MRPS28: variants seen among roughly 807,000 people sequenced by gnomAD.
MRPS28 encodes mitochondrial ribosomal protein S28.
MRPS28 carries 7 observed loss-of-function variants against 10.8 expected under a neutral mutation model. The ratio of observed to expected loss-of-function variants is 0.65; its 90% CI spans 0.37 to 1.22. The LOEUF is 1.22. MRPS28 is among the 50% of genes most tolerant of loss of function. MRPS28 has a pLI of 0.02. For synonymous variants in MRPS28, 121 were observed against 93.3 expected, an observed-to-expected ratio of 1.30 and a Z score of -1.71; for missense variants, 265 against 232.9, an observed-to-expected ratio of 1.14 and a Z score of -0.90.
At chr8:79,958,188 G>T in intron 2 of MRPS28, 2 of 533,054 alleles carry the variant, frequency 3.8e-6, no homozygotes, top group Admixed American at 7.4e-5. Flanking sequence ...AGACTCTGGG[G>T]ATGACTAATC....
At chr8:80,023,365 A>G (rs377333371) in intron 1 of MRPS28, among the ~76,000 whole-genome samples, 4 of 152,294 alleles carry the variant, frequency 2.6e-5, no homozygotes, top group East Asian at 1.9e-4. Context: ...TAGTGGACTT[A>G]AAAATTATAC....
At chr8:79,919,931 A>C in intron 2 of MRPS28, among the ~76,000 whole-genome samples, 1 of 74,000 alleles carries the variant, frequency 1.4e-5, no homozygotes, top group African/African-American at 5.0e-5. Flanking sequence ...ATATCTCCTA[A>C]TGCTATCCCT....
intron 1 of MRPS28, among the ~76,000 whole-genome samples, chr8:80,019,555 C>T (rs1203304960): frequency 6.6e-6 from 1 of 151,878 alleles, no homozygotes; most frequent in Non-Finnish European, 1.5e-5. Context: ...TGAAACTTTT[C>T]CTACTAAGCA....
chr8:79,975,227 G>A (rs1417539430), intron 2 of MRPS28, among the ~76,000 whole-genome samples: 4 of 152,128 alleles, frequency 2.6e-5, no homozygotes, highest in Non-Finnish European at 5.9e-5. Context: ...AGCTTGGGAG[G>A]TTGAGGCTGC....
At position 80,017,189 on chromosome 8, in the gene MRPS28, G is replaced by A. The variant is rs146979126; in HGVS notation, c.213+12847C>T. Among the ~76,000 whole-genome samples, 54 of 152,102 alleles carry A rather than the reference G, an allele frequency of 3.6e-4. 1 individual carries two copies. Among genetic ancestry groups the A allele is most frequent in the African/African-American group, 1.3e-3 (53 of 41,490 alleles). ...AAATTCTTAGAGTAAACAAATACAC[G>A]TCTAAATAACATGAGTCAAACAAAT... On this transcript the variant is annotated intron_variant, in intron 1 of 2. Coordinates refer to ENST00000276585, the MANE Select transcript of MRPS28 (RefSeq NM_014018.3).
At chr8:79,953,756 G>GGCAA (rs1807137026) in intron 2 of MRPS28, among the ~76,000 whole-genome samples, 1 of 152,134 alleles carries the variant, frequency 6.6e-6, no homozygotes, top group Non-Finnish European at 1.5e-5. Flanking sequence ...AGAGTGAAAA[G>GGCAA]GCAAGCCATA....
Position 80,025,458 on chromosome 8 carries a change from G to A in MRPS28, c.213+4578C>T, listed in dbSNP as rs559525076. The stretch of plus-strand genomic sequence containing the variant: ...CCTACAAATACACTCTTGTAAGTAC[G>A]CAAAAAATGCAAATGTTCACTGCAA... On this transcript the variant is annotated intron_variant, in intron 1 of 2. Transcript: ENST00000276585. Among the ~76,000 whole-genome samples, 27 of 152,072 alleles carry A rather than the reference G, an allele frequency of 1.8e-4. No individual in the cohort carries two copies. The South Asian group carries it at 2.7e-3, about 15-fold the overall frequency.
intron 2 of MRPS28, among the ~76,000 whole-genome samples, chr8:79,969,557 C>T (rs1351987898): frequency 6.6e-6 from 1 of 151,900 alleles, no homozygotes; most frequent in Non-Finnish European, 1.5e-5. Flanking sequence ...TAAATCCTGC[C>T]TTTTATTACT....
At chr8:79,977,867 CACTT>C (rs1477974576) in intron 2 of MRPS28, among the ~76,000 whole-genome samples, 4 of 151,682 alleles carry the variant, frequency 2.6e-5, no homozygotes, top group African/African-American at 9.7e-5. Context: ...TAGGAAGAAA[CACTT>C]GCATAAATAG....
intron 2 of MRPS28, among the ~76,000 whole-genome samples, chr8:79,922,958 T>C (rs73691107): frequency 0.022 from 3,345 of 152,196 alleles, 125 homozygotes; most frequent in African/African-American, 0.076. Context: ...CTCCACATAA[T>C]ATTTGGGTGT....
chr8:79,984,586 C>G (rs1381675564), intron 2 of MRPS28, among the ~76,000 whole-genome samples: 1 of 151,952 alleles, frequency 6.6e-6, no homozygotes, highest in African/African-American at 2.4e-5. Flanking sequence ...GAAGATCTAC[C>G]AAGCAAATGG....
intron 1 of MRPS28, among the ~76,000 whole-genome samples, chr8:80,016,738 T>C (rs901118840): frequency 2.0e-5 from 3 of 152,152 alleles, no homozygotes; most frequent in Admixed American, 6.5e-5. Context: ...AATAAAAGGG[T>C]TAATTATCTG....
intron 2 of MRPS28, among the ~76,000 whole-genome samples, chr8:79,933,622 C>G (rs1806527050): frequency 6.6e-6 from 1 of 152,094 alleles, no homozygotes; most frequent in South Asian, 2.1e-4. Context: ...AGTCAGTGAT[C>G]TTAATGAGGT....
intron 2 of MRPS28, among the ~76,000 whole-genome samples, chr8:79,952,147 T>A (rs1353910211): frequency 6.6e-6 from 1 of 152,228 alleles, no homozygotes; most frequent in East Asian, 1.9e-4. Flanking sequence ...TTTCATGTTT[T>A]ACATAGCCCA....
At chr8:79,940,559 T>G (rs1175340528) in intron 2 of MRPS28, among the ~76,000 whole-genome samples, 2 of 152,234 alleles carry the variant, frequency 1.3e-5, no homozygotes, top group Admixed American at 1.3e-4. Context: ...CAAAAGAAAC[T>G]ATACAGCAGA....
intron 1 of MRPS28, among the ~76,000 whole-genome samples, chr8:80,006,513 T>C (rs1408072997): frequency 6.6e-6 from 1 of 152,070 alleles, no homozygotes; most frequent in Non-Finnish European, 1.5e-5. Flanking sequence ...ACAAAATTGA[T>C]AGACCGCTAG....
intron 2 of MRPS28, among the ~76,000 whole-genome samples, chr8:79,919,589 C>A (rs1368875958): frequency 6.6e-6 from 1 of 152,142 alleles, no homozygotes; most frequent in Non-Finnish European, 1.5e-5. Flanking sequence ...CCACCTTGGC[C>A]TCCTAAATTT....
intron 2 of MRPS28, among the ~76,000 whole-genome samples, chr8:80,002,657 T>C (rs1242372205): frequency 1.3e-5 from 2 of 152,166 alleles, no homozygotes; most frequent in Admixed American, 6.5e-5. Flanking sequence ...AAAGAGACTA[T>C]GGAACAGAGA....
In MRPS28 at chr8:79,919,947, C is replaced by CTCCCCCG. The variant is rs1554567135; in HGVS notation, c.396-800_396-799insCGGGGGA. Among the ~76,000 whole-genome samples, 3 of 121,700 alleles carry CTCCCCCG rather than the reference C, an allele frequency of 2.5e-5. 1 individual carries two copies. Among genetic ancestry groups the CTCCCCCG allele is most frequent in the South Asian group, 6.8e-4 (2 of 2,956 alleles). 79.8% of individuals were successfully genotyped at this position (121,700 alleles called of 152,430 possible). A position where few individuals can be genotyped will look rare whatever the true frequency, so the allele number is the denominator to read the frequency against. On this transcript the variant is annotated intron_variant, in intron 2 of 2. Coordinates refer to ENST00000276585, the MANE Select transcript of MRPS28 (RefSeq NM_014018.3). ...TATCTCCTAATGCTATCCCTCCCCCCACCCCATAACAGGCCCCGGTGTGTG... is the reference window on the plus strand; with the variant it reads ...TATCTCCTAATGCTATCCCTCCCCCCTCCCCCGACCCCATAACAGGCCCCGGTGTGTG...
Sources: allele counts gnomAD v4.1 joint callset (sites outside exome capture counted in the v4.1 genomes callset), GRCh38; gene constraint gnomAD v4.1.1; transcripts MANE v1.5; gene names NCBI Gene and HGNC (gene_info 2026-07-23, HGNC 2026-07-21).